TTC23: variants seen among roughly 807,000 people sequenced by gnomAD.
TTC23 encodes the protein tetratricopeptide repeat domain 23.
TTC23 carries 58 observed loss-of-function variants against 55.1 expected under a neutral mutation model. The ratio of observed to expected loss-of-function variants is 1.05; its 90% CI spans 0.85 to 1.31. The LOEUF (loss-of-function observed/expected upper bound fraction) is 1.31. Ranked by LOEUF, TTC23 falls within the 50% of genes most tolerant of loss-of-function variation. The probability of loss-of-function intolerance (pLI) is 0.00; values close to 1 mark genes in which losing one functional copy is unlikely to be tolerated. For missense variants in TTC23, 516 were observed against 534.4 expected (o/e 0.97, Z 0.34); for synonymous variants, 203 against 199.9 (o/e 1.02, Z -0.13).
At chr15:99,249,142 A>G (rs1256561910) in intron 1 of TTC23, 29 bp downstream of exon 1, 3 of 152,188 alleles carry the variant, frequency 2.0e-5, no homozygotes, top group Non-Finnish European at 4.4e-5. Context: ...AATGATCTAT[A>G]GTTAATCTTA....
intron 9 of TTC23, among the ~76,000 whole-genome samples, chr15:99,195,164 A>C (rs1244044221): frequency 6.6e-6 from 1 of 152,210 alleles, no homozygotes; most frequent in Non-Finnish European, 1.5e-5. Flanking sequence ...CTGGGAGAAA[A>C]TCTTACAAAA....
At chr15:99,230,324 T>G (rs182898219) in intron 4 of TTC23, among the ~76,000 whole-genome samples, 124 of 152,166 alleles carry the variant, frequency 8.1e-4, no homozygotes, top group African/African-American at 2.0e-3. Flanking sequence ...CAATAAAAAT[T>G]ATCAAAAATG....
Position 99,167,878 on chromosome 15 carries a change from G to A in TTC23, c.866-6011C>T, listed in dbSNP as rs1421839987. On this transcript the variant is annotated intron_variant, in intron 10 of 13. Coordinates refer to ENST00000394132, the MANE Select transcript of TTC23 (RefSeq NM_001288615.3). ...AAATAGTCCCTACTCTGTACCAACC[G>A]CAAAGGACCCCAGGGAGTTTAAAAA... Among the ~76,000 whole-genome samples the A allele has an allele frequency of 3.9e-5, 6 of 152,296 alleles. No homozygotes were observed. The East Asian group carries it at 1.2e-3, about 29-fold the overall frequency.
rs77777388 is a variant in TTC23, at chr15:99,173,229, G to C, written c.865+1821C>G. On this transcript the variant is annotated intron_variant, in intron 10 of 13. Transcript: ENST00000394132. ...TCTTGCTTTCCAGGTCAAAAGTCAC[G>C]GATCCAGCCTTCGCACTTGTTTTGA... 9.0e-3 allele frequency among the ~76,000 whole-genome samples: 1,369 copies of C among 152,274 alleles called. 19 individuals are homozygous for C. Among genetic ancestry groups the C allele is most frequent in the African/African-American group, 0.032 (1,323 of 41,546 alleles).
chr15:99,204,632 G>GTTTTT (rs56890685), intron 8 of TTC23, among the ~76,000 whole-genome samples: 825 of 60,788 alleles, frequency 0.014, 120 homozygotes, highest in African/African-American at 0.04. Flanking sequence ...TAGATTTAAG[G>GTTTTT]TTTTTTTTTT....
At chr15:99,148,546 A>C (rs1244098480) in intron 12 of TTC23, 1 of 152,050 alleles carries the variant, frequency 6.6e-6, no homozygotes, top group Non-Finnish European at 1.5e-5. Flanking sequence ...CCACAGCTAA[A>C]GTAGTGAGGC....
intron 12 of TTC23, 198 bp from the exon 13 acceptor site, chr15:99,139,597 T>A (rs1555489183): frequency 6.5e-7 from 1 of 1,530,442 alleles, no homozygotes; most frequent in Non-Finnish European, 8.8e-7. Flanking sequence ...GTGAACAGTT[T>A]TAGCACTATT....
chr15:99,169,890 G>A (rs1455341441), intron 10 of TTC23, among the ~76,000 whole-genome samples: 2 of 152,156 alleles, frequency 1.3e-5, no homozygotes, highest in East Asian at 1.9e-4. Context: ...GTCACTGAAC[G>A]CTGCAGAACT....
At chr15:99,145,979 A>G (rs1416178983) in intron 12 of TTC23, among the ~76,000 whole-genome samples, 6 of 152,174 alleles carry the variant, frequency 3.9e-5, no homozygotes, top group African/African-American at 1.4e-4. Flanking sequence ...CCCTGGGGGC[A>G]TGGATGTCAT....
chr15:99,150,901 A>T (rs2069630349), intron 12 of TTC23, among the ~76,000 whole-genome samples: 1 of 152,158 alleles, frequency 6.6e-6, no homozygotes, highest in East Asian at 1.9e-4. Flanking sequence ...TTTGTTCCTT[A>T]GATGTACTTT....
chr15:99,217,749 G>T (rs2077587489), intron 8 of TTC23, among the ~76,000 whole-genome samples: 1 of 152,200 alleles, frequency 6.6e-6, no homozygotes, highest in Non-Finnish European at 1.5e-5. Context: ...AGTCAAAGTT[G>T]GTTCTTCCCA....
chr15:99,179,340 C>T (rs1472063558), intron 9 of TTC23, among the ~76,000 whole-genome samples: 1 of 152,198 alleles, frequency 6.6e-6, no homozygotes, highest in Non-Finnish European at 1.5e-5. Flanking sequence ...TACTCCACCG[C>T]CCCCTGACAT....
At chr15:99,233,703 C>G (rs1031764408) in intron 4 of TTC23, among the ~76,000 whole-genome samples, 1 of 152,158 alleles carries the variant, frequency 6.6e-6, no homozygotes, top group South Asian at 2.1e-4. Context: ...GGTTCACTCT[C>G]AATACTTCTA....
At chr15:99,227,709 C>G (rs2078575211) in intron 5 of TTC23, among the ~76,000 whole-genome samples, 1 of 152,232 alleles carries the variant, frequency 6.6e-6, no homozygotes, top group South Asian at 2.1e-4. Context: ...TCCCAGACAG[C>G]TCCTTACAGT....
chr15:99,167,157 A>G (rs2072231865), intron 10 of TTC23, among the ~76,000 whole-genome samples: 1 of 152,146 alleles, frequency 6.6e-6, no homozygotes, highest in Non-Finnish European at 1.5e-5. Flanking sequence ...GTCTATCTCC[A>G]CCTGGGACAA....
chr15:99,160,326 T>C (rs2071185997), intron 11 of TTC23: 1 of 151,816 alleles, frequency 6.6e-6, no homozygotes, highest in Non-Finnish European at 1.5e-5. Flanking sequence ...CATGATAGGT[T>C]AGAGTTGAAA....
At chr15:99,218,393 G>A (rs1158968987) in intron 8 of TTC23, among the ~76,000 whole-genome samples, 195 bp downstream of exon 8, 3 of 152,182 alleles carry the variant, frequency 2.0e-5, no homozygotes, top group Non-Finnish European at 4.4e-5. Flanking sequence ...TCCACAGAGA[G>A]TGAAAAGTGT....
intron 4 of TTC23, among the ~76,000 whole-genome samples, chr15:99,231,383 C>T (rs1212095300): frequency 6.6e-6 from 1 of 152,228 alleles, no homozygotes; most frequent in African/African-American, 2.4e-5. Context: ...AAGCTCCATG[C>T]ATGTTACTGC....
intron 11 of TTC23, chr15:99,158,628 G>A (rs1333668818): frequency 2.0e-5 from 3 of 152,354 alleles, no homozygotes; most frequent in African/African-American, 7.2e-5. Context: ...GAGCAAAAGA[G>A]TGGCACAACT....
Sources: gnomAD v4.1 joint callset for allele counts (sites outside exome capture counted in the v4.1 genomes callset) on GRCh38, gnomAD v4.1.1 for gene constraint, MANE v1.5 for transcripts, NCBI Gene and HGNC (gene_info 2026-07-23, HGNC 2026-07-21) for gene names.